Variants in IL1RAP observed in about 807,000 individuals in gnomAD.
IL1RAP encodes the protein interleukin 1 receptor accessory protein, also known as interleukin-1 receptor accessory protein.
Under a neutral mutation model 60.7 loss-of-function variants are expected in IL1RAP, and 35 were observed. That is an observed-to-expected ratio of 0.58 (90% CI 0.44 to 0.76). IL1RAP has a LOEUF of 0.76. Among genes scored for constraint, IL1RAP ranks in the 30% least tolerant of loss-of-function variants. The pLI is 0.00. For synonymous variants in IL1RAP, 268 were observed against 250.9 expected (o/e 1.07, Z -0.64); for missense variants, 572 against 693.9 (o/e 0.82, Z 1.97).
At chr3:190,623,605 T>G (rs976094558) in intron 7 of IL1RAP, among the ~76,000 whole-genome samples, 190 bp downstream of exon 7, 3 of 152,198 alleles carry the variant, frequency 2.0e-5, no homozygotes, top group Admixed American at 1.3e-4. Flanking sequence ...CTCTAGAATT[T>G]TTTGCTTCAC....
At chr3:190,625,084 T>C (rs1176736057) in intron 7 of IL1RAP, 2 of 153,554 alleles carry the variant, frequency 1.3e-5, no homozygotes, top group Admixed American at 6.5e-5. Flanking sequence ...TTAACCTGGA[T>C]GTGGAACATA....
intron 3 of IL1RAP, among the ~76,000 whole-genome samples, chr3:190,595,887 A>G (rs989552497): frequency 2.6e-5 from 4 of 152,186 alleles, no homozygotes; most frequent in African/African-American, 9.6e-5. Context: ...CTCTATTTCT[A>G]TGTCTTTCTT....
intron 2 of IL1RAP, chr3:190,564,034 A>G (rs3732922): frequency 0.63 from 267,927 of 424,458 alleles, 88,544 homozygotes; most frequent in East Asian, 0.73. Flanking sequence ...AAAGGATCTT[A>G]GTTATGTTAT....
intron 3 of IL1RAP, among the ~76,000 whole-genome samples, chr3:190,594,926 C>A (rs7642899): frequency 1.3e-5 from 2 of 152,146 alleles, no homozygotes; most frequent in Non-Finnish European, 2.9e-5. Context: ...GTTGTGGAAA[C>A]TGAGGTTCAA....
chr3:190,630,247 A>G, intron 9 of IL1RAP: 1 of 862,234 alleles, frequency 1.2e-6, no homozygotes, highest in Non-Finnish European at 1.4e-6. Flanking sequence ...CAATAAATGG[A>G]AATTATAAAG....
In IL1RAP at chr3:190,631,738, C is replaced by G. The variant is rs531666963; in HGVS notation, c.1051+2240C>G. 1.5e-4 allele frequency among the ~76,000 whole-genome samples: 23 copies of G among 152,220 alleles called. No individual in the cohort carries two copies. The South Asian group carries it at 3.9e-3, about 26-fold the overall frequency. On this transcript the variant is annotated intron_variant, in intron 9 of 11. Coordinates refer to ENST00000447382, the MANE Select transcript of IL1RAP (RefSeq NM_002182.4). ...ATTGACAGCAAAATTTCATTATAGT[C>G]AGTTAAAGCTAAGTATTAAAGAGGA...
chr3:190,542,075 A>C (rs1019817708), intron 1 of IL1RAP, among the ~76,000 whole-genome samples: 4 of 152,172 alleles, frequency 2.6e-5, no homozygotes, highest in African/African-American at 7.2e-5. Context: ...AACTGATAAT[A>C]AAATACCCTC....
chr3:190,606,818 C>G (rs748747268), intron 4 of IL1RAP, among the ~76,000 whole-genome samples: 13 of 152,036 alleles, frequency 8.6e-5, no homozygotes, highest in Non-Finnish European at 1.5e-4. Context: ...CATGTAGAAC[C>G]ATAGGCCTGA....
chr3:190,647,512 A>T (rs1005958884), intron 11 of IL1RAP, among the ~76,000 whole-genome samples: 1 of 152,172 alleles, frequency 6.6e-6, no homozygotes, highest in Non-Finnish European at 1.5e-5. Context: ...ATTACATGGC[A>T]TTTCCAGTTT....
At chr3:190,539,230 G>GTTT (rs1052470377) in intron 1 of IL1RAP, among the ~76,000 whole-genome samples, 59 of 152,242 alleles carry the variant, frequency 3.9e-4, no homozygotes, top group Admixed American at 3.8e-3. Flanking sequence ...CTATATCTGT[G>GTTT]TATCTGTGAT....
intron 5 of IL1RAP, among the ~76,000 whole-genome samples, chr3:190,613,213 T>C (rs2108774749): frequency 6.6e-6 from 1 of 152,332 alleles, no homozygotes; most frequent in East Asian, 1.9e-4. Flanking sequence ...TCCAGATTTC[T>C]GGTTTTCACG....
At chr3:190,579,280 A>T (rs1207426673) in intron 3 of IL1RAP, among the ~76,000 whole-genome samples, 2 of 152,190 alleles carry the variant, frequency 1.3e-5, no homozygotes, top group Admixed American at 6.5e-5. Flanking sequence ...TTGGGCTTAC[A>T]CTGTGTGCTA....
chr3:190,525,245 G>A (rs1247622672), intron 1 of IL1RAP, among the ~76,000 whole-genome samples: 1 of 152,188 alleles, frequency 6.6e-6, no homozygotes, highest in African/African-American at 2.4e-5. Flanking sequence ...CAACATTGGA[G>A]GGACATAGAA....
intron 3 of IL1RAP, among the ~76,000 whole-genome samples, chr3:190,589,798 A>G (rs1728789493): frequency 6.6e-6 from 1 of 152,242 alleles, no homozygotes; most frequent in South Asian, 2.1e-4. Flanking sequence ...GTTGAAAGGT[A>G]CAGAGACCCA....
intron 3 of IL1RAP, among the ~76,000 whole-genome samples, chr3:190,593,097 A>C (rs1729086340): frequency 1.3e-5 from 2 of 151,218 alleles, no homozygotes; most frequent in African/African-American, 4.9e-5. Flanking sequence ...TGAATTTGGC[A>C]TTCTTTCCTA....
At chr3:190,641,040 A>G (rs950395951) in intron 9 of IL1RAP, among the ~76,000 whole-genome samples, 2 of 152,098 alleles carry the variant, frequency 1.3e-5, no homozygotes, top group Non-Finnish European at 2.9e-5. Flanking sequence ...ATCTTGGCTC[A>G]CTGCAACCTC....
At chr3:190,605,112 A>G (rs1280028075) in intron 4 of IL1RAP, among the ~76,000 whole-genome samples, 1 of 152,118 alleles carries the variant, frequency 6.6e-6, no homozygotes, top group African/African-American at 2.4e-5. Flanking sequence ...GGGAGGCATG[A>G]CATATATGTA....
intron 3 of IL1RAP, among the ~76,000 whole-genome samples, chr3:190,578,262 T>C (rs1380529934): frequency 6.6e-6 from 1 of 152,208 alleles, no homozygotes; most frequent in Non-Finnish European, 1.5e-5. Context: ...TAATTGGAAG[T>C]AAAGGGTAAC....
chr3:190,559,704 T>C (rs552659116), intron 2 of IL1RAP, among the ~76,000 whole-genome samples: 54 of 152,360 alleles, frequency 3.5e-4, no homozygotes, highest in Admixed American at 3.5e-3. Context: ...ATCTTTCTGT[T>C]ATTGATTTCT....
Sources: allele counts gnomAD v4.1 joint callset (sites outside exome capture counted in the v4.1 genomes callset), GRCh38; gene constraint gnomAD v4.1.1; transcripts MANE v1.5; gene names NCBI Gene and HGNC (gene_info 2026-07-23, HGNC 2026-07-21).